The following SMYD3 variants were observed in gnomAD, a reference collection of about 807,000 sequenced individuals.
The protein encoded by SMYD3 is SET and MYND domain containing 3.
A neutral mutation model predicts 57.7 loss-of-function variants in SMYD3; 36 were observed. The observed-to-expected ratio is 0.62, with a 90% confidence interval of 0.48 to 0.82. The LOEUF (loss-of-function observed/expected upper bound fraction) is 0.82. Among genes scored for constraint, SMYD3 ranks in the 40% least tolerant of loss-of-function variants. The pLI, the probability that SMYD3 is intolerant of heterozygous loss-of-function variation, is 0.00. For missense variants in SMYD3, 515 were observed against 538.8 expected, an observed-to-expected ratio of 0.96 and a Z score of 0.44; for synonymous variants, 211 against 195.0, an observed-to-expected ratio of 1.08 and a Z score of -0.68.
In SMYD3 at chr1:245,970,656, A is replaced by G. The variant is rs552664300; in HGVS notation, c.532-40719T>C. Among the ~76,000 whole-genome samples the G allele has an allele frequency of 2.0e-5, 3 of 152,362 alleles. No homozygotes were observed. In the East Asian group the frequency reaches 5.8e-4, roughly 29 times the overall value. ...AAGTGAGTGAAGGATATGAACAGAC[A>G]CTTCTCAAAAGAAGACACTTATGTG... On this transcript the variant is annotated intron_variant, in intron 5 of 11. Transcript: ENST00000490107.
At chr1:246,441,553 A>C (rs982706085) in intron 1 of SMYD3, among the ~76,000 whole-genome samples, 2 of 152,182 alleles carry the variant, frequency 1.3e-5, no homozygotes, top group African/African-American at 4.8e-5. Context: ...AGGCACTGAA[A>C]CAAGGACAAA....
chr1:245,928,121 C>T, intron 6 of SMYD3, 88 bp from the exon 7 acceptor site: 1 of 981,552 alleles, frequency 1.0e-6, no homozygotes, highest in Non-Finnish European at 1.5e-6. Context: ...ATACACCTTC[C>T]TTTGGGGGGC....
rs186614365 is a variant in SMYD3, at chr1:245,880,181, T to C, written c.814-16295A>G. Among the ~76,000 whole-genome samples, 274 of 152,372 alleles carry C rather than the reference T, an allele frequency of 1.8e-3. 3 individuals are homozygous for C. The highest frequency in any genetic ancestry group is 3.0e-3 in the Admixed American group (46 of 15,308). ...CTCTAGTGAATGCTGTTCTTGCAGC[T>C]GCAGCACCAAGAACAAATCCTGCCA... On this transcript the variant is annotated intron_variant, in intron 8 of 11. Coordinates refer to ENST00000490107, the MANE Select transcript of SMYD3 (RefSeq NM_001167740.2).
intron 2 of SMYD3, among the ~76,000 whole-genome samples, chr1:246,351,997 G>A (rs944877728): frequency 4.6e-5 from 7 of 151,836 alleles, no homozygotes; most frequent in African/African-American, 7.3e-5. Flanking sequence ...TTAGCTGGGC[G>A]TGGTGGCACA....
chr1:246,314,448 G>GAGGGCTACTAT (rs1406494118), intron 5 of SMYD3, among the ~76,000 whole-genome samples: 290 of 152,218 alleles, frequency 1.9e-3, no homozygotes, highest in Admixed American at 3.0e-3. Flanking sequence ...ACAAAGGCAC[G>GAGGGCTACTAT]ATACCCATAA....
At chr1:246,425,977 G>C (rs2103003024) in intron 1 of SMYD3, 1 of 152,052 alleles carries the variant, frequency 6.6e-6, no homozygotes, top group East Asian at 1.9e-4. Flanking sequence ...TGTAAATGGG[G>C]TTTTCTCTTC....
chr1:246,032,862 A>G (rs191640377), intron 5 of SMYD3, among the ~76,000 whole-genome samples: 1 of 152,310 alleles, frequency 6.6e-6, no homozygotes, highest in East Asian at 1.9e-4. Context: ...ACATGGGTTC[A>G]AGTACTGGCT....
chr1:246,244,030 T>TAC (rs2063663542), intron 5 of SMYD3, among the ~76,000 whole-genome samples: 1 of 121,190 alleles, frequency 8.3e-6, no homozygotes, highest in Non-Finnish European at 1.7e-5. Context: ...TGTGTATATA[T>TAC]ATATTTTAAC....
Position 246,092,822 on chromosome 1 carries a change from AG to A in SMYD3, c.532-162886del, listed in dbSNP as rs1229766396. Among the ~76,000 whole-genome samples, 3 of 152,196 alleles carry A rather than the reference AG, an allele frequency of 2.0e-5. No homozygotes were observed. The East Asian group carries it at 5.8e-4, about 29-fold the overall frequency. ...AAAACAATCAACAGAGTAAAGAGACAGAATGGGAGAAGATATTTGCAAACTC... is the reference window on the plus strand; with the variant it reads ...AAAACAATCAACAGAGTAAAGAGACAAATGGGAGAAGATATTTGCAAACTC... On this transcript the variant is annotated intron_variant, in intron 5 of 11. Coordinates refer to ENST00000490107, the MANE Select transcript of SMYD3 (RefSeq NM_001167740.2).
At chr1:246,294,558 G>A (rs988150510) in intron 5 of SMYD3, among the ~76,000 whole-genome samples, 6 of 151,986 alleles carry the variant, frequency 3.9e-5, no homozygotes, top group Admixed American at 1.3e-4. Flanking sequence ...CTCTTTCTGA[G>A]TCCATGTATA....
At chr1:245,773,220 G>A (rs992250319) in intron 10 of SMYD3, among the ~76,000 whole-genome samples, 2 of 151,964 alleles carry the variant, frequency 1.3e-5, no homozygotes, top group Non-Finnish European at 2.9e-5. Context: ...AAAATACAAG[G>A]GGCTTGGGCA....
At chr1:245,763,073 C>T (rs1007786776) in intron 11 of SMYD3, among the ~76,000 whole-genome samples, 1 of 152,186 alleles carries the variant, frequency 6.6e-6, no homozygotes, top group Non-Finnish European at 1.5e-5. Flanking sequence ...TGGGCTCCTC[C>T]GGGCAGAGGA....
chr1:245,763,693 G>T lies in SMYD3; in HGVS notation c.1185+348C>A, dbSNP rs886657674. Among the ~76,000 whole-genome samples the T allele has an allele frequency of 2.0e-5, 3 of 152,278 alleles. No homozygotes were observed. In the South Asian group the frequency reaches 6.2e-4, roughly 32 times the overall value. ...ACTGTGTTCCGTGGGCAATGGGGAGGAGGCACAAACAAGGTCAACTTGCTA... is the reference window on the plus strand; with the variant it reads ...ACTGTGTTCCGTGGGCAATGGGGAGTAGGCACAAACAAGGTCAACTTGCTA... On this transcript the variant is annotated intron_variant, in intron 11 of 11. Transcript: ENST00000490107.
chr1:245,909,945 T>C (rs1410977653), intron 8 of SMYD3, among the ~76,000 whole-genome samples: 3 of 152,246 alleles, frequency 2.0e-5, no homozygotes, highest in Admixed American at 6.5e-5. Flanking sequence ...CTCAACACAG[T>C]ACTGGAATTC....
intron 1 of SMYD3, among the ~76,000 whole-genome samples, chr1:246,437,329 G>T (rs1219685423): frequency 1.3e-5 from 2 of 152,068 alleles, no homozygotes; most frequent in South Asian, 4.1e-4. Context: ...CAGTTCCCAG[G>T]GTCTTCACAC....
At chr1:246,175,717 C>T (rs113958442) in intron 5 of SMYD3, among the ~76,000 whole-genome samples, 5 of 151,964 alleles carry the variant, frequency 3.3e-5, no homozygotes, top group African/African-American at 9.7e-5. Flanking sequence ...CATTTATTGC[C>T]GACACTCCAG....
In SMYD3 at chr1:245,915,429, G is replaced by A. The variant is rs920621381; in HGVS notation, c.813+101C>T. The A allele has an allele frequency of 4.3e-6, 3 of 700,080 alleles. No homozygotes were observed. The South Asian group carries it at 5.9e-5, about 14-fold the overall frequency. 43.4% of individuals were successfully genotyped at this position (700,080 alleles called of 1,614,324 possible). A position where few individuals can be genotyped will look rare whatever the true frequency, so the allele number is the denominator to read the frequency against. Reference sequence around the variant, plus strand: ...ATTTATCTGTTTCCTACCATGTACTGAGGGTCATTACTTTTGGGTTTATGA... The same window carrying A: ...ATTTATCTGTTTCCTACCATGTACTAAGGGTCATTACTTTTGGGTTTATGA... On this transcript the variant is annotated intron_variant, in intron 8 of 11. Coordinates refer to ENST00000490107, the MANE Select transcript of SMYD3 (RefSeq NM_001167740.2).
At chr1:246,199,795 C>A (rs111563855) in intron 5 of SMYD3, among the ~76,000 whole-genome samples, 2 of 152,108 alleles carry the variant, frequency 1.3e-5, no homozygotes, top group African/African-American at 4.8e-5. Context: ...AGATGCTGAG[C>A]GAGAATGTAC....
At chr1:246,317,408 A>G (rs1021586194) in intron 5 of SMYD3, among the ~76,000 whole-genome samples, 1 of 152,274 alleles carries the variant, frequency 6.6e-6, no homozygotes, top group African/African-American at 2.4e-5. Context: ...GGGGTTGGCA[A>G]ATAAAGGCCC....
Sources: gnomAD v4.1 joint callset for allele counts (sites outside exome capture counted in the v4.1 genomes callset) on GRCh38, gnomAD v4.1.1 for gene constraint, MANE v1.5 for transcripts, NCBI Gene and HGNC (gene_info 2026-07-23, HGNC 2026-07-21) for gene names.